CPEB2: variants seen among roughly 807,000 people sequenced by gnomAD.
The protein encoded by CPEB2 is cytoplasmic polyadenylation element binding protein 2.
In CPEB2, 56 loss-of-function variants were observed where a neutral mutation model predicts 93.6. The observed-to-expected ratio is 0.60, with a 90% CI of 0.48 to 0.75. CPEB2 has a LOEUF of 0.75. Among genes scored for constraint, CPEB2 ranks in the 30% least tolerant of loss-of-function variants. CPEB2 has a pLI of 0.00. For synonymous variants in CPEB2, 764 were observed against 586.3 expected, an observed-to-expected ratio of 1.30 and a Z score of -4.38; for missense variants, 1,579 against 1,395.1, an observed-to-expected ratio of 1.13 and a Z score of -2.10.
At chr4:15,015,719 T>C (rs1212695579) in intron 3 of CPEB2, among the ~76,000 whole-genome samples, 2 of 152,008 alleles carry the variant, frequency 1.3e-5, no homozygotes, top group Non-Finnish European at 1.5e-5. Context: ...ATGTACACAC[T>C]AGTCCCCCCT....
chr4:15,020,252 A>G (rs1454260346), intron 4 of CPEB2, among the ~76,000 whole-genome samples: 1 of 152,120 alleles, frequency 6.6e-6, no homozygotes, highest in East Asian at 1.9e-4. Context: ...AGCTCTGCTC[A>G]ATTTAGGCCA....
Position 15,003,134 on chromosome 4 carries a change from CCTG to C in CPEB2, c.472_474del (p.Cys158del), listed in dbSNP as rs779808244. On this transcript the variant is annotated inframe_deletion, in exon 1 of 12. Transcript: ENST00000538197. ...CACCCCTCCTCCTCCTCCGCCTCCTCCTGCTGCTGCTGCCGCACCTCCTCCCCG... is the reference window on the plus strand; with the variant it reads ...CACCCCTCCTCCTCCTCCGCCTCCTCCTGCTGCTGCCGCACCTCCTCCCCG... 16 of 1,532,734 alleles carry C rather than the reference CCTG, an allele frequency of 1.0e-5. No homozygotes were observed. The highest frequency in any genetic ancestry group is 9.9e-5 in the East Asian group (4 of 40,458). The allele number at this position is 1,532,734 out of a possible 1,614,324, so 94.9% of individuals were successfully genotyped here. A position where few individuals can be genotyped will look rare whatever the true frequency, so the allele number is the denominator to read the frequency against.
rs1455275513 is a variant in CPEB2 at position 15,003,482 on chromosome 4, C to T, written c.809C>T (p.Ala270Val). 4 of 1,397,208 alleles carry T rather than the reference C, an allele frequency of 2.9e-6. No homozygotes were observed. Among genetic ancestry groups the T allele is most frequent in the Admixed American group, 6.3e-5 (2 of 31,954 alleles). 86.6% of individuals were successfully genotyped at this position (1,397,208 alleles called of 1,614,324 possible). A position where few individuals can be genotyped will look rare whatever the true frequency, so the allele number is the denominator to read the frequency against. Reference sequence around the variant, plus strand: ...CCGCAGCTCCCTCCCTCGCCGCCTGCAGCCCCGCGGCGCCGCCACGGAGGC... The same window carrying T: ...CCGCAGCTCCCTCCCTCGCCGCCTGTAGCCCCGCGGCGCCGCCACGGAGGC... ...PLPQLPPSPP[A>V]APRRRHGGAG... The change falls in exon 1 of 12, where the codon GCA becomes GTA. Residue 270 changes from alanine to valine, a missense_variant. Around this residue, in one of 2 missense-constraint regions of CPEB2, gnomAD observed 1,411 missense variants for 1,056.0 expected, o/e 1.34. Transcript: ENST00000538197.
At chr4:15,048,718 G>A (rs1727946404) in intron 6 of CPEB2, among the ~76,000 whole-genome samples, 1 of 151,866 alleles carries the variant, frequency 6.6e-6, no homozygotes, top group African/African-American at 2.4e-5. Context: ...CTTTGAGCCT[G>A]GCTTTTGCTG....
chr4:15,066,526 A>G lies in CPEB2; in HGVS notation c.*146A>G, dbSNP rs1041967172. 4.8e-6 allele frequency: 3 copies of G among 619,346 alleles called. No homozygotes were observed. Among genetic ancestry groups the G allele is most frequent in the Non-Finnish European group, 8.5e-6 (3 of 351,102 alleles). 38.4% of individuals were successfully genotyped at this position (619,346 alleles called of 1,614,324 possible). A position where few individuals can be genotyped will look rare whatever the true frequency, so the allele number is the denominator to read the frequency against. On this transcript the variant is annotated 3_prime_UTR_variant, in exon 12 of 12. Transcript: ENST00000538197. ...ATACATGCATCTTTATCAGCAGCCAAAACACTACAAGCCTCTTGTTTTTCA... is the reference window on the plus strand; with the variant it reads ...ATACATGCATCTTTATCAGCAGCCAGAACACTACAAGCCTCTTGTTTTTCA...
chr4:15,060,387 G>A (rs1258788559), intron 10 of CPEB2, among the ~76,000 whole-genome samples: 1 of 152,120 alleles, frequency 6.6e-6, no homozygotes, highest in African/African-American at 2.4e-5. Flanking sequence ...AGAGAGAGGG[G>A]GGCCAGGGTG....
At chr4:15,015,380 A>G (rs1394208683) in intron 3 of CPEB2, among the ~76,000 whole-genome samples, 2 of 151,984 alleles carry the variant, frequency 1.3e-5, no homozygotes, top group African/African-American at 4.8e-5. Context: ...AAAATCAGTA[A>G]AGAGTACTGA....
chr4:15,034,715 G>T (rs891253014), intron 5 of CPEB2, among the ~76,000 whole-genome samples: 1 of 152,268 alleles, frequency 6.6e-6, no homozygotes, highest in Non-Finnish European at 1.5e-5. Flanking sequence ...TCGGATCATT[G>T]GTTGAGAGTG....
intron 8 of CPEB2, among the ~76,000 whole-genome samples, chr4:15,057,546 A>C (rs1728829375): frequency 6.6e-6 from 1 of 152,198 alleles, no homozygotes; most frequent in South Asian, 2.1e-4. Flanking sequence ...GGTAATGGAT[A>C]GATCATTTAT....
intron 9 of CPEB2, among the ~76,000 whole-genome samples, chr4:15,058,945 TC>T (rs1298323926): frequency 5.3e-5 from 8 of 152,128 alleles, no homozygotes; most frequent in Admixed American, 1.3e-4. Context: ...GAAACCATCC[TC>T]CACCACCTCC....
At chr4:15,037,988 C>T (rs1301256803) in intron 5 of CPEB2, among the ~76,000 whole-genome samples, 1 of 152,114 alleles carries the variant, frequency 6.6e-6, no homozygotes, top group Non-Finnish European at 1.5e-5. Flanking sequence ...AGTGAATACA[C>T]ACACCATTGT....
rs891000804 is a variant in CPEB2, at chr4:15,040,458, A to C, written c.2177-6A>C. On this transcript the variant is annotated splice_region_variant and splice_polypyrimidine_tract_variant and intron_variant, in intron 5 of 11. Transcript: ENST00000538197. Reference sequence around the variant, plus strand: ...ATTTTACAATTTGTGCTTTGTTTACATGCAGCAAGGAGTTATGGGCGAAGA... The same window carrying C: ...ATTTTACAATTTGTGCTTTGTTTACCTGCAGCAAGGAGTTATGGGCGAAGA... 1.1e-5 allele frequency: 17 copies of C among 1,536,290 alleles called. No homozygotes were observed. The highest frequency in any genetic ancestry group is 2.0e-5 in the Admixed American group (1 of 51,050).
intron 1 of CPEB2, 115 bp downstream of exon 1, chr4:15,004,450 G>T (rs899310243): frequency 4.8e-5 from 34 of 705,798 alleles, no homozygotes; most frequent in Non-Finnish European, 5.7e-5. Flanking sequence ...AGCCGCGACG[G>T]GGGCCACTCG....
In CPEB2 at chr4:15,003,388, C is replaced by G. The variant is rs1722263619; in HGVS notation, c.715C>G (p.Leu239Val). The part of the protein sequence containing the change: ...QQQPPQQFSL[L>V]HQQHLSPQDF... ...ACAGCCGCCGCAGCAGTTCAGCCTC[C>G]TGCATCAGCAGCACCTCTCGCCGCA... The change falls in exon 1 of 12, where the codon CTG (leucine) becomes GTG (valine). Residue 239 changes from leucine to valine, a missense_variant. Coordinates refer to ENST00000538197, the MANE Select transcript of CPEB2 (RefSeq NM_001177382.2). The G allele has an allele frequency of 8.7e-6, 12 of 1,376,820 alleles. No homozygotes were observed. Among genetic ancestry groups the G allele is most frequent in the Non-Finnish European group, 1.1e-5 (12 of 1,076,636 alleles). 85.3% of individuals were successfully genotyped at this position (1,376,820 alleles called of 1,614,324 possible).
chr4:15,058,150 A>G (rs946893574), intron 8 of CPEB2, among the ~76,000 whole-genome samples: 1 of 152,230 alleles, frequency 6.6e-6, no homozygotes, highest in Non-Finnish European at 1.5e-5. Context: ...AATATTTCAT[A>G]GACTTTTGAG....
chr4:15,013,288 C>T (rs893484097), intron 3 of CPEB2, among the ~76,000 whole-genome samples: 3 of 151,896 alleles, frequency 2.0e-5, no homozygotes, highest in African/African-American at 7.2e-5. Context: ...TTCTGAAAGC[C>T]CATTTAGTTG....
intron 5 of CPEB2, among the ~76,000 whole-genome samples, chr4:15,036,768 T>C (rs1726650551): frequency 6.6e-6 from 1 of 152,222 alleles, no homozygotes; most frequent in Non-Finnish European, 1.5e-5. Context: ...TTTGCTGTGA[T>C]AACCCACATA....
intron 3 of CPEB2, among the ~76,000 whole-genome samples, chr4:15,013,829 C>T (rs1300135348): frequency 6.6e-6 from 1 of 151,976 alleles, no homozygotes; most frequent in East Asian, 1.9e-4. Context: ...TTTAAAATAG[C>T]TTTGCTGTTT....
rs560468327 is a variant in CPEB2, at chr4:15,003,254, AGCC to A, written c.594_596del (p.Pro201del). 1.1e-4 allele frequency: 174 copies of A among 1,520,494 alleles called. No individual in the cohort carries two copies. Among genetic ancestry groups the A allele is most frequent in the Admixed American group, 5.6e-4 (28 of 49,616 alleles). The allele number at this position is 1,520,494 out of a possible 1,614,324, so 94.2% of individuals were successfully genotyped here. A position where few individuals can be genotyped will look rare whatever the true frequency, so the allele number is the denominator to read the frequency against. On this transcript the variant is annotated inframe_deletion, in exon 1 of 12. Transcript: ENST00000538197. The stretch of plus-strand genomic sequence containing the variant: ...CACCTTCCCCACCCTCCGGACTCGA[AGCC>A]GCCGCCGCCGCCTCCGCCGCTCCAC...
Sources: gnomAD v4.1 joint callset for allele counts (sites outside exome capture counted in the v4.1 genomes callset) on GRCh38, gnomAD v4.1.1 for gene constraint, gnomAD v4.1.1 regional missense constraint, MANE v1.5 for transcripts, NCBI Gene and HGNC (gene_info 2026-07-23, HGNC 2026-07-21) for gene names.